SRPK1: variants seen among roughly 807,000 people sequenced by gnomAD.
SRPK1 encodes the protein SFRS protein kinase 1.
SRPK1 carries 52 observed loss-of-function variants against 89.5 expected under a neutral mutation model. The observed-to-expected ratio is 0.58, with a 90% CI of 0.46 to 0.73. The LOEUF is 0.73. SRPK1 is among the 30% of genes least tolerant of loss of function. The pLI is 0.00. For missense variants in SRPK1, 603 were observed against 780.6 expected (o/e 0.77, Z 2.71); for synonymous variants, 255 against 270.2 (o/e 0.94, Z 0.55).
intron 12 of SRPK1, among the ~76,000 whole-genome samples, chr6:35,866,674 G>A (rs1441732576): frequency 6.6e-6 from 1 of 152,144 alleles, no homozygotes; most frequent in Non-Finnish European, 1.5e-5. Context: ...CAGTACCACT[G>A]CTGGGTATCT....
At chr6:35,869,968 T>G in intron 10 of SRPK1, 67 bp from the exon 11 acceptor site, 1 of 1,460,486 alleles carries the variant, frequency 6.8e-7, no homozygotes, top group Non-Finnish European at 9.1e-7. Context: ...GAAACATTTC[T>G]CACAAGATTA....
At chr6:35,917,619 G>C (rs1364785897) in intron 2 of SRPK1, among the ~76,000 whole-genome samples, 1 of 152,188 alleles carries the variant, frequency 6.6e-6, no homozygotes, top group Non-Finnish European at 1.5e-5. Context: ...GAGCTGGAAA[G>C]GGACCCTGAA....
chr6:35,860,537 C>T (rs886441590), intron 12 of SRPK1, among the ~76,000 whole-genome samples: 3 of 152,118 alleles, frequency 2.0e-5, no homozygotes, highest in African/African-American at 7.2e-5. Flanking sequence ...GATGTTTGTA[C>T]GGTGTGATAC....
chr6:35,863,801 A>G (rs995621921), intron 12 of SRPK1, among the ~76,000 whole-genome samples: 3 of 152,214 alleles, frequency 2.0e-5, no homozygotes, highest in African/African-American at 7.2e-5. Flanking sequence ...ATAAGTAATC[A>G]TGTGAAGGTA....
At chr6:35,853,248 G>A (rs1769593875) in intron 13 of SRPK1, among the ~76,000 whole-genome samples, 2 of 151,848 alleles carry the variant, frequency 1.3e-5, no homozygotes, top group South Asian at 4.1e-4. Flanking sequence ...TCCAGCCTGG[G>A]CAACAGAGCA....
chr6:35,833,357 C>T lies in SRPK1; in HGVS notation c.*1947G>A, dbSNP rs958275225. On this transcript the variant is annotated 3_prime_UTR_variant, in exon 16 of 16. Coordinates refer to ENST00000373825, the MANE Select transcript of SRPK1 (RefSeq NM_003137.5). ...GTTCTATTAAAACTTACTGTCACATCAACTGTTAAAATAGGGCCTTTTGTG... is the reference window on the plus strand; with the variant it reads ...GTTCTATTAAAACTTACTGTCACATTAACTGTTAAAATAGGGCCTTTTGTG... 1.3e-5 allele frequency: 2 copies of T among 152,336 alleles called. No homozygotes were observed. The highest frequency in any genetic ancestry group is 2.9e-5 in the Non-Finnish European group (2 of 68,040). 9.4% of individuals were successfully genotyped at this position (152,336 alleles called of 1,614,324 possible). A position where few individuals can be genotyped will look rare whatever the true frequency, so the allele number is the denominator to read the frequency against.
At position 35,909,989 on chromosome 6, in the gene SRPK1, C is replaced by CT. The variant is rs537840728; in HGVS notation, c.74+10478dup. Reference sequence around the variant, plus strand: ...AGATTAATACAAGCCTCATTTCTTTCTTTTTTTTTTTAAGATGGAGTTTCG... The same window carrying CT: ...AGATTAATACAAGCCTCATTTCTTTCTTTTTTTTTTTTAAGATGGAGTTTCG... On this transcript the variant is annotated intron_variant, in intron 2 of 15. Transcript: ENST00000373825. Among the ~76,000 whole-genome samples, 1,226 of 146,948 alleles carry CT rather than the reference C, an allele frequency of 8.3e-3. 19 individuals are homozygous for CT. The highest frequency in any genetic ancestry group is 0.017 in the South Asian group (79 of 4,654).
chr6:35,835,427 C>T lies in SRPK1; in HGVS notation c.1845G>A (p.Lys615=), dbSNP rs751879256. Residue 615 remains lysine (K), a synonymous_variant, in exon 16 of 16, where the codon AAG becomes AAA. Coordinates refer to ENST00000373825, the MANE Select transcript of SRPK1 (RefSeq NM_003137.5). The part of the protein sequence containing the change: ...PWGLFEVLVE[K]YEWSQEEAAG... ...CTGCCTCTTCCTGCGACCACTCATA[C>T]TTCTCCACTAGAACCTCAAAAAGGC... The T allele has an allele frequency of 3.3e-5, 53 of 1,613,652 alleles. No individual in the cohort carries two copies. Among genetic ancestry groups the T allele is most frequent in the Non-Finnish European group, 4.2e-5 (49 of 1,179,840 alleles).
At chr6:35,871,799 T>A (rs1770042277) in intron 8 of SRPK1, among the ~76,000 whole-genome samples, 1 of 152,226 alleles carries the variant, frequency 6.6e-6, no homozygotes. Flanking sequence ...TCGAGTGCAG[T>A]GGTACTATCA....
rs546836509 is a variant in SRPK1 at position 35,835,260 on chromosome 6, C to A, written c.*44G>T. ...GAGGAAAATGCTTGAAGGGGAAGGG[C>A]GGAGGGTCAGTGTGTGATCTCTGCT... is the stretch of plus-strand genomic sequence containing the variant. On this transcript the variant is annotated 3_prime_UTR_variant, in exon 16 of 16. Transcript: ENST00000373825. The A allele has an allele frequency of 6.6e-7, 1 of 1,521,386 alleles. No individual in the cohort carries two copies. The highest frequency in any genetic ancestry group is 8.9e-7 in the Non-Finnish European group (1 of 1,117,520). 94.2% of individuals were successfully genotyped at this position (1,521,386 alleles called of 1,614,324 possible).
intron 6 of SRPK1, among the ~76,000 whole-genome samples, chr6:35,884,483 G>A (rs577604803): frequency 1.8e-4 from 27 of 152,302 alleles, no homozygotes; most frequent in South Asian, 6.2e-4. Flanking sequence ...TTGGGAAAAC[G>A]GGTAGAGGCA....
intron 6 of SRPK1, 52 bp downstream of exon 6, chr6:35,886,672 C>T: frequency 2.6e-6 from 3 of 1,143,776 alleles, no homozygotes; most frequent in Non-Finnish European, 3.9e-6. Context: ...AATCTAGTTC[C>T]TTTCTTTGGG....
chr6:35,917,790 A>T (rs1288659432), intron 2 of SRPK1, among the ~76,000 whole-genome samples: 1 of 152,244 alleles, frequency 6.6e-6, no homozygotes, highest in African/African-American at 2.4e-5. Context: ...ATTTTCATTT[A>T]AACGCTTTGT....
intron 13 of SRPK1, among the ~76,000 whole-genome samples, chr6:35,846,848 G>C (rs4340986): frequency 0.32 from 47,913 of 152,034 alleles, 7,788 homozygotes; most frequent in South Asian, 0.42. Flanking sequence ...TAACGAAGAA[G>C]TAACAGCAAT....
intron 14 of SRPK1, 57 bp downstream of exon 14, chr6:35,842,478 G>A: frequency 7.2e-7 from 1 of 1,383,554 alleles, no homozygotes; most frequent in East Asian, 2.4e-5. Context: ...AATGATGTTA[G>A]CTTAATGTGG....
intron 6 of SRPK1, among the ~76,000 whole-genome samples, chr6:35,882,787 T>A (rs1156412818): frequency 1.3e-5 from 2 of 151,922 alleles, no homozygotes; most frequent in African/African-American, 4.8e-5. Flanking sequence ...ACATTTGAAA[T>A]TTACCAATGA....
intron 15 of SRPK1, 52 bp downstream of exon 15, chr6:35,838,285 T>C: frequency 1.5e-6 from 2 of 1,317,324 alleles, no homozygotes; most frequent in Non-Finnish European, 2.1e-6. Flanking sequence ...GCTTACCTCT[T>C]CATTTTTAAA....
chr6:35,858,218 T>C (rs928180910), intron 12 of SRPK1, among the ~76,000 whole-genome samples: 2 of 152,172 alleles, frequency 1.3e-5, no homozygotes, highest in Non-Finnish European at 2.9e-5. Context: ...TATTTTCAAC[T>C]GTATCCCAAC....
At chr6:35,908,397 A>C (rs573699716) in intron 2 of SRPK1, among the ~76,000 whole-genome samples, 1 of 152,312 alleles carries the variant, frequency 6.6e-6, no homozygotes, top group East Asian at 1.9e-4. Context: ...ACTTATTGGG[A>C]CTAAAGTAAA....
Sources: gnomAD v4.1 joint callset for allele counts (sites outside exome capture counted in the v4.1 genomes callset) on GRCh38, gnomAD v4.1.1 for gene constraint, MANE v1.5 for transcripts, NCBI Gene and HGNC (gene_info 2026-07-23, HGNC 2026-07-21) for gene names.